GALNT13: variants seen among roughly 807,000 people sequenced by gnomAD.
GALNT13 encodes UDP-GalNAc:polypeptide N-acetylgalactosaminyltransferase 13.
Under a neutral mutation model 64.2 loss-of-function variants are expected in GALNT13, and 28 were observed. That is an observed-to-expected ratio of 0.44 (90% CI 0.32 to 0.60). The LOEUF (loss-of-function observed/expected upper bound fraction) is 0.60, where lower values mean the gene tolerates loss of function less well. Ranked by LOEUF, GALNT13 falls within the 20% of genes least tolerant of loss-of-function variation. The pLI, the probability that GALNT13 is intolerant of heterozygous loss-of-function variation, is 0.05. For missense variants in GALNT13, 577 were observed against 669.8 expected, an observed-to-expected ratio of 0.86 and a Z score of 1.53; for synonymous variants, 214 against 224.6, an observed-to-expected ratio of 0.95 and a Z score of 0.42.
chr2:154,259,233 T>C (rs1690558695), intron 8 of GALNT13, 95 bp downstream of exon 8: 2 of 743,410 alleles, frequency 2.7e-6, no homozygotes, highest in Non-Finnish European at 4.7e-6. Context: ...TCATTTTTGC[T>C]GAGTGATGCA....
At chr2:153,328,150 T>C in the GALNT13 span, among the ~76,000 whole-genome samples, 8 of 152,152 alleles carry the variant, frequency 5.3e-5, no homozygotes, top group Admixed American at 1.3e-4. Context: ...ACAGCAAAGA[T>C]TGCTGCCTGC....
the GALNT13 span, among the ~76,000 whole-genome samples, chr2:153,790,509 A>G: frequency 1.3e-5 from 2 of 152,212 alleles, no homozygotes; most frequent in East Asian, 3.8e-4. Context: ...TGAATGGACA[A>G]AGGCTGGAAG....
intron 3 of GALNT13, among the ~76,000 whole-genome samples, chr2:154,083,299 G>A (rs1000505823): frequency 3.9e-5 from 6 of 151,980 alleles, no homozygotes; most frequent in African/African-American, 1.2e-4. Context: ...GTACCATGCT[G>A]TTTTGGTGAC....
intron 4 of GALNT13, among the ~76,000 whole-genome samples, chr2:154,197,433 ATCAACTGAGC>A: frequency 6.6e-6 from 1 of 152,268 alleles, no homozygotes; most frequent in South Asian, 2.1e-4. Flanking sequence ...GGACTTTTCA[ATCAACTGAGC>A]TCATAAAGTT....
At chr2:153,744,055 A>G in the GALNT13 span, among the ~76,000 whole-genome samples, 13 of 152,096 alleles carry the variant, frequency 8.5e-5, no homozygotes, top group Admixed American at 5.9e-4. Flanking sequence ...TATATGTACA[A>G]TTTTTTTAAT....
At chr2:153,817,113 C>T in the GALNT13 span, among the ~76,000 whole-genome samples, 2 of 152,192 alleles carry the variant, frequency 1.3e-5, no homozygotes, top group Admixed American at 6.5e-5. Flanking sequence ...TTAAGATCAG[C>T]CCTAAGCAAA....
the GALNT13 span, among the ~76,000 whole-genome samples, chr2:153,720,512 T>C: frequency 3.3e-5 from 5 of 151,114 alleles, no homozygotes; most frequent in African/African-American, 1.2e-4. Flanking sequence ...CAAATTACTC[T>C]GAGCTACGGG....
intron 9 of GALNT13, among the ~76,000 whole-genome samples, chr2:154,360,068 C>T (rs1308913172): frequency 6.6e-6 from 1 of 152,008 alleles, no homozygotes; most frequent in Non-Finnish European, 1.5e-5. Flanking sequence ...AAATGTTTGA[C>T]AATAAACTTG....
At chr2:153,369,703 A>T in the GALNT13 span, among the ~76,000 whole-genome samples, 1 of 152,270 alleles carries the variant, frequency 6.6e-6, no homozygotes, top group East Asian at 1.9e-4. Flanking sequence ...CACCTTGGGC[A>T]TTCTTTCTTC....
the GALNT13 span, among the ~76,000 whole-genome samples, chr2:153,375,285 A>T: frequency 6.6e-6 from 1 of 151,580 alleles, no homozygotes; most frequent in Admixed American, 6.6e-5. Flanking sequence ...GTTCTGTTTG[A>T]CTTTTGGAAT....
the GALNT13 span, among the ~76,000 whole-genome samples, chr2:153,249,389 A>G: frequency 1.3e-5 from 2 of 152,242 alleles, no homozygotes; most frequent in African/African-American, 4.8e-5. Flanking sequence ...ACACAAATCA[A>G]TGGGAAAAAA....
the GALNT13 span, among the ~76,000 whole-genome samples, chr2:153,116,360 A>G: frequency 5.9e-5 from 9 of 152,184 alleles, no homozygotes; most frequent in Non-Finnish European, 1.3e-4. Flanking sequence ...ACTGGAACAT[A>G]TAATGTATAT....
intron 8 of GALNT13, 117 bp from the exon 9 acceptor site, chr2:154,301,292 A>C: frequency 1.1e-6 from 1 of 869,862 alleles, no homozygotes; most frequent in Non-Finnish European, 1.8e-6. Context: ...CCAGTTCTAA[A>C]TTTTGCATCA....
chr2:153,769,264 G>C, the GALNT13 span, among the ~76,000 whole-genome samples: 27 of 152,120 alleles, frequency 1.8e-4, no homozygotes, highest in Admixed American at 1.2e-3. Flanking sequence ...CAACCTCTCT[G>C]AGCCAGTCAA....
At chr2:154,223,935 A>T (rs1688455148) in intron 4 of GALNT13, among the ~76,000 whole-genome samples, 1 of 152,096 alleles carries the variant, frequency 6.6e-6, no homozygotes, top group Non-Finnish European at 1.5e-5. Flanking sequence ...GAGTTGACAT[A>T]TGGAGATTAC....
chr2:153,565,757 T>C, the GALNT13 span, among the ~76,000 whole-genome samples: 1 of 152,306 alleles, frequency 6.6e-6, no homozygotes, highest in Non-Finnish European at 1.5e-5. Flanking sequence ...TGTCTCTAAA[T>C]ATATACCCAA....
chr2:154,063,195 G>A (rs1158490480), intron 3 of GALNT13, among the ~76,000 whole-genome samples: 7 of 151,962 alleles, frequency 4.6e-5, no homozygotes, highest in Admixed American at 2.6e-4. Flanking sequence ...ATTCTCTTAA[G>A]GAAGCAGTGG....
the GALNT13 span, among the ~76,000 whole-genome samples, chr2:153,734,406 T>A: frequency 6.6e-6 from 1 of 152,166 alleles, no homozygotes; most frequent in Non-Finnish European, 1.5e-5. Context: ...AACACAGATC[T>A]GATAAGTCTA....
At chr2:153,630,807 ATTT>A in the GALNT13 span, among the ~76,000 whole-genome samples, 242 of 21,930 alleles carry the variant, frequency 0.011, 7 homozygotes, top group Non-Finnish European at 0.011. Flanking sequence ...ATATATATAT[ATTT>A]TTTTTTTTTT....
Sources: allele counts gnomAD v4.1 joint callset (sites outside exome capture counted in the v4.1 genomes callset), GRCh38; gene constraint gnomAD v4.1.1; transcripts MANE v1.5; gene names NCBI Gene and HGNC (gene_info 2026-07-23, HGNC 2026-07-21).